DIP2B: variants seen among roughly 807,000 people sequenced by gnomAD.
DIP2B encodes disco-interacting protein 2 homolog B.
DIP2B carries 76 observed loss-of-function variants against 198.0 expected under a neutral mutation model. The observed-to-expected ratio is 0.38, with a 90% CI of 0.32 to 0.46. The LOEUF (loss-of-function observed/expected upper bound fraction) is 0.46, where lower values mean the gene tolerates loss of function less well. DIP2B is among the 20% of genes least tolerant of loss of function. The pLI, the probability that DIP2B is intolerant of heterozygous loss-of-function variation, is 0.99. For synonymous variants in DIP2B, 701 were observed against 739.1 expected (o/e 0.95, Z 0.84); for missense variants, 1,559 against 1,978.4 (o/e 0.79, Z 4.02).
chr12:50,520,529 G>C (rs1958107966), intron 1 of DIP2B, among the ~76,000 whole-genome samples: 1 of 152,168 alleles, frequency 6.6e-6, no homozygotes. Flanking sequence ...AGAACAAGCA[G>C]TGGTATGAGT....
At chr12:50,670,053 T>TA (rs1555191561) in intron 4 of DIP2B, among the ~76,000 whole-genome samples, 1 of 152,186 alleles carries the variant, frequency 6.6e-6, no homozygotes, top group Non-Finnish European at 1.5e-5. Flanking sequence ...GCGTGCTTCA[T>TA]AAGCTTAGAA....
At chr12:50,680,648 TG>T in intron 8 of DIP2B, 23 bp from the exon 9 acceptor site, 1 of 1,592,534 alleles carries the variant, frequency 6.3e-7, no homozygotes, top group Non-Finnish European at 8.6e-7. Context: ...ATATGACTGT[TG>T]TTTTTTTTTC....
intron 1 of DIP2B, among the ~76,000 whole-genome samples, chr12:50,530,871 A>G (rs1383718741): frequency 6.6e-6 from 1 of 152,130 alleles, no homozygotes; most frequent in South Asian, 2.1e-4. Flanking sequence ...GAGAAAATTC[A>G]GTTTTACTGA....
At chr12:50,509,760 TTCC>T (rs1385415033) in intron 1 of DIP2B, among the ~76,000 whole-genome samples, 8 of 152,136 alleles carry the variant, frequency 5.3e-5, no homozygotes, top group Admixed American at 3.3e-4. Context: ...AACTGGTAAA[TTCC>T]TCCTGCTTTA....
intron 22 of DIP2B, among the ~76,000 whole-genome samples, chr12:50,711,647 C>T (rs2139573698): frequency 6.6e-6 from 1 of 152,268 alleles, no homozygotes; most frequent in African/African-American, 2.4e-5. Context: ...CTGCAACCTC[C>T]ACCTCCCGGT....
chr12:50,547,308 T>C lies in DIP2B; in HGVS notation c.100+42068T>C, dbSNP rs10431534. Among the ~76,000 whole-genome samples the C allele has an allele frequency of 9.5e-4, 144 of 152,306 alleles. No individual in the cohort carries two copies. In the East Asian group the frequency reaches 0.027, roughly 29 times the overall value. ...AACACTAGAGTAATTTAAAAATACT[T>C]AGTGGAAATATTCATTGATACCATC... On this transcript the variant is annotated intron_variant, in intron 1 of 37. Coordinates refer to ENST00000301180, the MANE Select transcript of DIP2B (RefSeq NM_173602.3).
chr12:50,657,711 A>G (rs1938579087), intron 3 of DIP2B, among the ~76,000 whole-genome samples: 1 of 152,220 alleles, frequency 6.6e-6, no homozygotes, highest in Admixed American at 6.5e-5. Context: ...ATAAGGAAAT[A>G]TCAAGCAAGC....
At chr12:50,585,658 T>C (rs1958764079) in intron 1 of DIP2B, among the ~76,000 whole-genome samples, 1 of 152,166 alleles carries the variant, frequency 6.6e-6, no homozygotes, top group Non-Finnish European at 1.5e-5. Context: ...GTCAGATCAC[T>C]TAAGGCTTCC....
At chr12:50,590,780 G>A (rs942152842) in intron 1 of DIP2B, among the ~76,000 whole-genome samples, 1 of 152,196 alleles carries the variant, frequency 6.6e-6, no homozygotes. Context: ...AATATAAAAT[G>A]TGTAGATTGA....
At chr12:50,651,949 G>A (rs1379850901) in intron 3 of DIP2B, among the ~76,000 whole-genome samples, 1 of 152,128 alleles carries the variant, frequency 6.6e-6, no homozygotes, top group Non-Finnish European at 1.5e-5. Flanking sequence ...GGAGGCCAAG[G>A]CAGGTGGATC....
chr12:50,602,047 G>A lies in DIP2B; in HGVS notation c.101-23929G>A, dbSNP rs75307728. On this transcript the variant is annotated intron_variant, in intron 1 of 37. Coordinates refer to ENST00000301180, the MANE Select transcript of DIP2B (RefSeq NM_173602.3). Reference sequence around the variant, plus strand: ...GGTTGAATTACAAAGGAACTCTTGGGGTTTTGGAAGTCCCGCTTGTCAGCT... The same window carrying A: ...GGTTGAATTACAAAGGAACTCTTGGAGTTTTGGAAGTCCCGCTTGTCAGCT... 2.0e-5 allele frequency among the ~76,000 whole-genome samples: 3 copies of A among 152,272 alleles called. No homozygotes were observed. The East Asian group carries it at 5.8e-4, about 29-fold the overall frequency.
At chr12:50,618,414 T>G (rs893404270) in intron 1 of DIP2B, among the ~76,000 whole-genome samples, 1 of 152,222 alleles carries the variant, frequency 6.6e-6, no homozygotes, top group Non-Finnish European at 1.5e-5. Context: ...GTGTCTGTTG[T>G]TCCAAGCATG....
At chr12:50,540,671 A>C (rs936081809) in intron 1 of DIP2B, among the ~76,000 whole-genome samples, 5 of 149,470 alleles carry the variant, frequency 3.3e-5, no homozygotes, top group African/African-American at 1.2e-4. Flanking sequence ...GCCTCAGCCT[A>C]CCGAGTAGCT....
At chr12:50,594,071 G>A (rs1447593327) in intron 1 of DIP2B, among the ~76,000 whole-genome samples, 2 of 149,926 alleles carry the variant, frequency 1.3e-5, no homozygotes, top group Admixed American at 6.7e-5. Context: ...CTCCTGAGTA[G>A]CTGGGATTAC....
intron 2 of DIP2B, among the ~76,000 whole-genome samples, chr12:50,628,453 A>G (rs1180485603): frequency 6.6e-6 from 1 of 152,218 alleles, no homozygotes; most frequent in Non-Finnish European, 1.5e-5. Context: ...ACTAAAAAGT[A>G]TCACTGTGTG....
intron 1 of DIP2B, among the ~76,000 whole-genome samples, chr12:50,539,530 C>T (rs571578761): frequency 4.0e-5 from 6 of 150,678 alleles, no homozygotes; most frequent in Non-Finnish European, 8.9e-5. Flanking sequence ...GCAGGAGAAT[C>T]GCTTGAGCCT....
intron 19 of DIP2B, among the ~76,000 whole-genome samples, chr12:50,702,198 T>G (rs1039531142): frequency 6.6e-6 from 1 of 151,926 alleles, no homozygotes; most frequent in Non-Finnish European, 1.5e-5. Flanking sequence ...TACAAAAAAT[T>G]AGCCAGGCAT....
chr12:50,583,365 A>C (rs913567830), intron 1 of DIP2B, among the ~76,000 whole-genome samples: 2 of 151,638 alleles, frequency 1.3e-5, no homozygotes, highest in African/African-American at 2.4e-5. Context: ...AGTGGTGGCG[A>C]GTACTTGTTT....
intron 19 of DIP2B, among the ~76,000 whole-genome samples, chr12:50,702,238 C>G (rs1048332840): frequency 2.0e-5 from 3 of 151,966 alleles, no homozygotes; most frequent in South Asian, 4.1e-4. Context: ...CCCAGCTACT[C>G]GGGAGGCTGA....
Sources: allele counts gnomAD v4.1 joint callset (sites outside exome capture counted in the v4.1 genomes callset), GRCh38; gene constraint gnomAD v4.1.1; transcripts MANE v1.5; gene names NCBI Gene and HGNC (gene_info 2026-07-23, HGNC 2026-07-21).